The following MTRR variants were observed in gnomAD, a reference collection of about 807,000 sequenced individuals.
MTRR encodes 5-methyltetrahydrofolate-homocysteine methyltransferase reductase.
Under a neutral mutation model 79.2 loss-of-function variants are expected in MTRR, and 63 were observed. The ratio of observed to expected loss-of-function variants is 0.80; its 90% CI spans 0.65 to 0.98. The LOEUF is 0.98. MTRR is among the 50% of genes least tolerant of loss of function. The probability of loss-of-function intolerance (pLI) is 0.00; values close to 1 mark genes in which losing one functional copy is unlikely to be tolerated. For missense variants in MTRR, 895 were observed against 839.6 expected (o/e 1.07, Z -0.82); for synonymous variants, 355 against 313.3 (o/e 1.13, Z -1.41).
chr5:7,862,928 C>A (rs1384885603), intron 2 of MTRR: 1 of 1,613,982 alleles, frequency 6.2e-7, no homozygotes, highest in South Asian at 1.1e-5. Context: ...TGAGAATCCA[C>A]AGGGGTCTCC....
chr5:7,872,273 T>C (rs1355119251), intron 2 of MTRR: 1 of 453,248 alleles, frequency 2.2e-6, no homozygotes, highest in African/African-American at 2.0e-5. Flanking sequence ...TTCGATGGTG[T>C]TCATGGGCAG....
upstream of MTRR, among the ~76,000 whole-genome samples, chr5:7,868,656 G>C (rs1747255391): frequency 2.0e-5 from 3 of 152,142 alleles, no homozygotes. Context: ...TGAAGGAAAG[G>C]GTCTACTTTG....
chr5:7,861,733 T>C (rs771195717), intron 1 of MTRR: 2 of 1,537,892 alleles, frequency 1.3e-6, no homozygotes, highest in African/African-American at 2.7e-5. Flanking sequence ...TTTGCTTTGC[T>C]TTGATTCCTT....
chr5:7,896,101 G>A (rs1359796290), intron 12 of MTRR, among the ~76,000 whole-genome samples: 1 of 152,174 alleles, frequency 6.6e-6, no homozygotes, highest in Non-Finnish European at 1.5e-5. Flanking sequence ...CTGGTTTGTA[G>A]CATATGTGGT....
intron 11 of MTRR, among the ~76,000 whole-genome samples, chr5:7,894,986 A>G (rs1423393808): frequency 6.6e-6 from 1 of 152,200 alleles, no homozygotes; most frequent in Non-Finnish European, 1.5e-5. Context: ...TTTAAAAGGT[A>G]TGGTGTTCAG....
intron 2 of MTRR, among the ~76,000 whole-genome samples, chr5:7,871,625 G>A (rs1002033083): frequency 6.6e-6 from 1 of 152,196 alleles, no homozygotes; most frequent in African/African-American, 2.4e-5. Flanking sequence ...TGTCCTGCCA[G>A]TGCTCTCTCA....
At chr5:7,892,161 A>G (rs1357275724) in intron 10 of MTRR, among the ~76,000 whole-genome samples, 1 of 152,236 alleles carries the variant, frequency 6.6e-6, no homozygotes, top group Non-Finnish European at 1.5e-5. Flanking sequence ...CCTTTCAGTA[A>G]TAATACAAGA....
intron 1 of MTRR, 122 bp downstream of exon 1, chr5:7,869,337 C>T: frequency 1.7e-6 from 2 of 1,188,746 alleles, no homozygotes; most frequent in Non-Finnish European, 2.4e-6. Flanking sequence ...CCACGCCCTT[C>T]GGCCTCCGGG....
In MTRR at chr5:7,869,655, C is replaced by T. The variant is rs547376609; in HGVS notation, c.-26+440C>T. On this transcript the variant is annotated intron_variant, in intron 1 of 14. Transcript: ENST00000440940. ...TTCTGCCCGCGGCCGTGAGCTCTGC[C>T]CACCGCCTCCGCGCCGCTTCCGGGG... 291 of 215,910 alleles carry T rather than the reference C, an allele frequency of 1.3e-3. 3 individuals are homozygous for T. Among genetic ancestry groups the T allele is most frequent in the Non-Finnish European group, 1.9e-3 (202 of 106,706 alleles). The allele number at this position is 215,910 out of a possible 1,614,324, so 13.4% of individuals were successfully genotyped here.
chr5:7,900,417 G>C lies in MTRR; in HGVS notation c.*359G>C, dbSNP rs757070048. On this transcript the variant is annotated 3_prime_UTR_variant, in exon 15 of 15. Coordinates refer to ENST00000440940, the MANE Select transcript of MTRR (RefSeq NM_002454.3). The stretch of plus-strand genomic sequence containing the variant: ...TTCCTGAAATAGGGAGACTGACTGA[G>C]TAGCTCATTCTTGTGACTTACAGTG... 36 of 249,322 alleles carry C rather than the reference G, an allele frequency of 1.4e-4. No homozygotes were observed. Among genetic ancestry groups the C allele is most frequent in the Admixed American group, 2.0e-4 (4 of 19,558 alleles). 15.4% of individuals were successfully genotyped at this position (249,322 alleles called of 1,614,324 possible).
intron 14 of MTRR, among the ~76,000 whole-genome samples, chr5:7,899,319 A>G (rs1373956945): frequency 6.6e-6 from 1 of 152,198 alleles, no homozygotes; most frequent in Non-Finnish European, 1.5e-5. Flanking sequence ...CCTGGTGAGA[A>G]AGCTACATAT....
chr5:7,873,141 A>C (rs771582228), intron 2 of MTRR, among the ~76,000 whole-genome samples: 9 of 151,910 alleles, frequency 5.9e-5, no homozygotes, highest in Non-Finnish European at 1.0e-4. Context: ...ATCCCCCCCA[A>C]CCTCTTGATG....
At chr5:7,852,101 A>T (rs890838088) in intron 1 of MTRR, among the ~76,000 whole-genome samples, 1 of 152,190 alleles carries the variant, frequency 6.6e-6, no homozygotes, top group African/African-American at 2.4e-5. Context: ...GTGTGGCCTC[A>T]TGAAGCCAGA....
At chr5:7,886,526 C>A in intron 7 of MTRR, 89 bp from the exon 8 acceptor site, 1 of 1,014,970 alleles carries the variant, frequency 9.9e-7, no homozygotes, top group Non-Finnish European at 1.6e-6. Context: ...CTGTAAAGTA[C>A]TACAGTAATT....
chr5:7,896,518 C>A, intron 12 of MTRR: 1 of 345,350 alleles, frequency 2.9e-6, no homozygotes, highest in East Asian at 6.8e-5. Flanking sequence ...CCTTTAACAG[C>A]CCTGAGCCAC....
intron 1 of MTRR, chr5:7,861,582 C>T: frequency 6.3e-7 from 1 of 1,579,170 alleles, no homozygotes; most frequent in Non-Finnish European, 8.6e-7. Context: ...TTTTCCTGTA[C>T]CTTTTATGGA....
chr5:7,894,852 C>T (rs1325886769), intron 11 of MTRR, among the ~76,000 whole-genome samples: 1 of 152,158 alleles, frequency 6.6e-6, no homozygotes, highest in African/African-American at 2.4e-5. Flanking sequence ...ATCCTTAATG[C>T]CTGTCATGGT....
chr5:7,883,719 T>C (rs2126731423), intron 6 of MTRR, among the ~76,000 whole-genome samples: 1 of 152,298 alleles, frequency 6.6e-6, no homozygotes. Context: ...TTCTTTCCAC[T>C]TCAGGGAAGG....
intron 2 of MTRR, among the ~76,000 whole-genome samples, chr5:7,862,242 G>C (rs1185635911): frequency 6.6e-6 from 1 of 152,168 alleles, no homozygotes; most frequent in Non-Finnish European, 1.5e-5. Flanking sequence ...TAGAAGAACT[G>C]TAAGGACGGA....
Sources: allele counts gnomAD v4.1 joint callset (sites outside exome capture counted in the v4.1 genomes callset), GRCh38; gene constraint gnomAD v4.1.1; transcripts MANE v1.5; gene names NCBI Gene and HGNC (gene_info 2026-07-23, HGNC 2026-07-21).